Variants in NUP188 observed in about 807,000 individuals in gnomAD.
NUP188 encodes nucleoporin NUP188.
NUP188 carries 97 observed loss-of-function variants against 223.0 expected under a neutral mutation model. The ratio of observed to expected loss-of-function variants is 0.43; its 90% CI spans 0.37 to 0.51. The LOEUF is 0.51. NUP188 is among the 20% of genes least tolerant of loss of function. The pLI is 0.00. For missense variants in NUP188, 1,947 were observed against 2,175.6 expected (o/e 0.89, Z 2.09); for synonymous variants, 869 against 828.0 (o/e 1.05, Z -0.85).
At chr9:129,004,778 C>T in intron 38 of NUP188, 1 of 226,992 alleles carries the variant, frequency 4.4e-6, no homozygotes. Flanking sequence ...GCTGGGATTA[C>T]AGGCATGAGC....
At chr9:128,984,037 G>C (rs897639116) in intron 19 of NUP188, among the ~76,000 whole-genome samples, 36 of 151,572 alleles carry the variant, frequency 2.4e-4, no homozygotes, top group African/African-American at 7.5e-4. Context: ...GGTCTGACTC[G>C]TCTGGAACTC....
intron 19 of NUP188, 123 bp downstream of exon 19, chr9:128,983,673 T>A: frequency 1.6e-5 from 11 of 687,400 alleles, no homozygotes; most frequent in Non-Finnish European, 2.0e-5. Flanking sequence ...TGAGATGGAG[T>A]CTCACTCTGT....
chr9:128,973,301 A>C (rs1842127843), intron 12 of NUP188, 52 bp downstream of exon 12: 1 of 1,304,072 alleles, frequency 7.7e-7, no homozygotes, highest in East Asian at 2.3e-5. Flanking sequence ...TTTGCAATCA[A>C]GTCCCAAAAA....
chr9:128,987,961 T>G lies in NUP188; in HGVS notation c.2394-86T>G. The G allele has an allele frequency of 2.1e-6, 3 of 1,453,840 alleles. No homozygotes were observed. In the South Asian group the frequency reaches 3.7e-5, roughly 18 times the overall value. The allele number at this position is 1,453,840 out of a possible 1,614,324, so 90.1% of individuals were successfully genotyped here. On this transcript the variant is annotated intron_variant, in intron 23 of 43. Coordinates refer to ENST00000372577, the MANE Select transcript of NUP188 (RefSeq NM_015354.3). ...AGAAGCTGTTGAACTCTGGGATTAT[T>G]GTTGGAATCTAATTCATGAGAGCAC... is the stretch of plus-strand genomic sequence containing the variant.
At chr9:128,949,718 T>G (rs1055063415) in intron 2 of NUP188, among the ~76,000 whole-genome samples, 2 of 151,930 alleles carry the variant, frequency 1.3e-5, no homozygotes, top group Non-Finnish European at 2.9e-5. Flanking sequence ...AACCTCCGCC[T>G]CCCGAGTTCA....
intron 13 of NUP188, among the ~76,000 whole-genome samples, chr9:128,979,960 A>G (rs1189007019): frequency 6.6e-6 from 1 of 152,034 alleles, no homozygotes; most frequent in Non-Finnish European, 1.5e-5. Flanking sequence ...TTGTTTTTAT[A>G]TATGGCAGTG....
chr9:128,967,235 C>G (rs1842042130), intron 8 of NUP188, among the ~76,000 whole-genome samples: 1 of 152,160 alleles, frequency 6.6e-6, no homozygotes, highest in African/African-American at 2.4e-5. Context: ...GTCTTGAACT[C>G]CAGGCCTCAA....
At chr9:128,961,685 G>C (rs1841957561) in intron 8 of NUP188, among the ~76,000 whole-genome samples, 1 of 148,564 alleles carries the variant, frequency 6.7e-6, no homozygotes, top group African/African-American at 2.5e-5. Flanking sequence ...TCGATGGCGT[G>C]ATCTTGGCTC....
chr9:129,003,703 T>C, intron 38 of NUP188: 1 of 575,900 alleles, frequency 1.7e-6, no homozygotes, highest in Non-Finnish European at 3.1e-6. Flanking sequence ...CCCTTAAGAA[T>C]ACACTTGGGG....
intron 8 of NUP188, among the ~76,000 whole-genome samples, chr9:128,961,618 A>ATAGATAGATAGG (rs1339409859): frequency 2.8e-5 from 4 of 142,360 alleles, no homozygotes; most frequent in Non-Finnish European, 4.5e-5. Context: ...AGATAGATAG[A>ATAGATAGATAGG]TAGATTTTTT....
Position 128,998,551 on chromosome 9 carries a change from C to T in NUP188, c.3443C>T (p.Ala1148Val), listed in dbSNP as rs1842571783. The T allele has an allele frequency of 2.5e-6, 4 of 1,613,938 alleles. No individual in the cohort carries two copies. Among genetic ancestry groups the T allele is most frequent in the Non-Finnish European group, 3.4e-6 (4 of 1,179,928 alleles). ...DGTKALLLVP[A>V]SVNCLRLGSM... is the part of the protein sequence containing the mutation. The stretch of plus-strand genomic sequence containing the variant: ...GTCTCCTTTCAGCTCCTAGTTCCAG[C>T]CTCAGTGAACTGCCTTCGCCTTGGC... The change falls in exon 32 of 44, where the codon GCC (alanine) becomes GTC (valine). Residue 1148 changes from alanine (A) to valine (V), a missense_variant. Physicochemically the swap from Ala to Val is moderately conservative, Grantham distance 64 (BLOSUM62 0). Coordinates refer to ENST00000372577, the MANE Select transcript of NUP188 (RefSeq NM_015354.3).
At chr9:128,962,476 C>T (rs145197475) in intron 8 of NUP188, among the ~76,000 whole-genome samples, 222 of 152,128 alleles carry the variant, frequency 1.5e-3, no homozygotes, top group African/African-American at 5.2e-3. Flanking sequence ...GTGTTGGTCT[C>T]CTGACCTCCT....
intron 2 of NUP188, among the ~76,000 whole-genome samples, chr9:128,951,394 G>A (rs973488476): frequency 6.6e-6 from 1 of 151,024 alleles, no homozygotes; most frequent in African/African-American, 2.4e-5. Context: ...TGGAAAGATC[G>A]CTTAAGCTCA....
At chr9:128,993,101 C>T in intron 25 of NUP188, 96 bp from the exon 26 acceptor site, 1 of 1,050,840 alleles carries the variant, frequency 9.5e-7, no homozygotes, top group Non-Finnish European at 1.5e-6. Flanking sequence ...CCCTTTCTGC[C>T]AATTTTCTGG....
At chr9:128,967,930 C>T (rs555177736) in intron 8 of NUP188, among the ~76,000 whole-genome samples, 3 of 151,904 alleles carry the variant, frequency 2.0e-5, no homozygotes, top group Non-Finnish European at 4.4e-5. Context: ...TCTGGGTGTA[C>T]TCTGGGTGAC....
chr9:128,999,581 G>T, intron 33 of NUP188, 43 bp from the exon 34 acceptor site: 1 of 1,587,162 alleles, frequency 6.3e-7, no homozygotes. Flanking sequence ...AGTGAGAGTT[G>T]GCCTGGTGAG....
intron 8 of NUP188, among the ~76,000 whole-genome samples, chr9:128,966,268 G>A (rs897045918): frequency 6.6e-6 from 1 of 150,836 alleles, no homozygotes; most frequent in African/African-American, 2.4e-5. Flanking sequence ...GTCTGTGTGT[G>A]TGTGTGTGTG....
chr9:128,977,090 C>CA (rs2131161502), intron 12 of NUP188, among the ~76,000 whole-genome samples: 1 of 147,524 alleles, frequency 6.8e-6, no homozygotes, highest in East Asian at 2.2e-4. Flanking sequence ...ACCAAAAAAA[C>CA]AGAGTTGCAG....
intron 5 of NUP188, 68 bp downstream of exon 5, chr9:128,957,100 A>G (rs1841882114): frequency 1.7e-6 from 2 of 1,144,328 alleles, no homozygotes; most frequent in Non-Finnish European, 2.6e-6. Flanking sequence ...TAGATAATGT[A>G]GGATTTTGGC....
Sources: allele counts gnomAD v4.1 joint callset (sites outside exome capture counted in the v4.1 genomes callset), GRCh38; gene constraint gnomAD v4.1.1; transcripts MANE v1.5; gene names NCBI Gene and HGNC (gene_info 2026-07-23, HGNC 2026-07-21).